Variants in HS3ST3A1 observed in about 807,000 individuals in gnomAD.
HS3ST3A1 encodes the protein heparan sulfate glucosamine 3-O-sulfotransferase 3A1.
HS3ST3A1 carries 19 observed loss-of-function variants against 25.7 expected under a neutral mutation model. That is an observed-to-expected ratio of 0.74 (90% confidence interval 0.52 to 1.08). The LOEUF (loss-of-function observed/expected upper bound fraction) is 1.08. Ranked by LOEUF, HS3ST3A1 falls within the 50% of genes least tolerant of loss-of-function variation. HS3ST3A1 has a pLI of 0.00. For missense variants in HS3ST3A1, 459 were observed against 594.3 expected (o/e 0.77, Z 2.37); for synonymous variants, 226 against 278.6 (o/e 0.81, Z 1.88).
intron 1 of HS3ST3A1, among the ~76,000 whole-genome samples, chr17:13,559,593 AT>A (rs1372291016): frequency 5.3e-5 from 8 of 149,624 alleles, no homozygotes; most frequent in African/African-American, 1.9e-4. Context: ...CTTGTATTAT[AT>A]GTTTAATTTA....
intron 1 of HS3ST3A1, among the ~76,000 whole-genome samples, chr17:13,554,474 C>T (rs1047931917): frequency 3.4e-4 from 51 of 150,948 alleles, no homozygotes; most frequent in Admixed American, 2.8e-3. Flanking sequence ...CAGTCATTAC[C>T]AGAGCTGACA....
chr17:13,516,523 G>T (rs74514604), intron 1 of HS3ST3A1, among the ~76,000 whole-genome samples: 9,162 of 152,160 alleles, frequency 0.06, 365 homozygotes, highest in South Asian at 0.091. Flanking sequence ...TAGCACCTGT[G>T]TATGAACTCT....
Position 13,601,474 on chromosome 17 carries a change from C to T in HS3ST3A1, c.-345G>A. On this transcript the variant is annotated 5_prime_UTR_variant, in exon 1 of 2. Coordinates refer to ENST00000284110, the MANE Select transcript of HS3ST3A1 (RefSeq NM_006042.3). ...GTCGCCGGAATCGGGGTCTTGGCAG[C>T]GGTGTCGAAGGCGTGCGTCTCAGCC... The T allele has an allele frequency of 4.2e-6, 1 of 238,016 alleles. No individual in the cohort carries two copies. Among genetic ancestry groups the T allele is most frequent in the East Asian group, 8.9e-5 (1 of 11,204 alleles). The allele number at this position is 238,016 out of a possible 1,614,324, so 14.7% of individuals were successfully genotyped here.
intron 1 of HS3ST3A1, among the ~76,000 whole-genome samples, chr17:13,500,081 T>A (rs1229235554): frequency 6.6e-6 from 1 of 152,094 alleles, no homozygotes; most frequent in African/African-American, 2.4e-5. Flanking sequence ...TTCAAACAAG[T>A]CAATGAAGGG....
chr17:13,588,467 C>A (rs1050426662), intron 1 of HS3ST3A1, among the ~76,000 whole-genome samples: 1 of 152,156 alleles, frequency 6.6e-6, no homozygotes, highest in African/African-American at 2.4e-5. Flanking sequence ...TCATTTTAGT[C>A]TTTTCAAACA....
chr17:13,548,468 T>G (rs1907147670), intron 1 of HS3ST3A1, among the ~76,000 whole-genome samples: 1 of 152,198 alleles, frequency 6.6e-6, no homozygotes, highest in Non-Finnish European at 1.5e-5. Flanking sequence ...TGTATGAATT[T>G]TGCAGGAACA....
chr17:13,596,110 CGTA>C (rs928017641), intron 1 of HS3ST3A1, among the ~76,000 whole-genome samples: 1 of 152,044 alleles, frequency 6.6e-6, no homozygotes, highest in Non-Finnish European at 1.5e-5. Flanking sequence ...GAGATTATAA[CGTA>C]GTGGTGGATT....
At chr17:13,551,037 A>T (rs1424366972) in intron 1 of HS3ST3A1, among the ~76,000 whole-genome samples, 1 of 146,098 alleles carries the variant, frequency 6.8e-6, no homozygotes, top group Non-Finnish European at 1.5e-5. Flanking sequence ...ACTGCACTCC[A>T]GCCTGGGCGA....
chr17:13,572,657 T>C (rs1907848935), intron 1 of HS3ST3A1, among the ~76,000 whole-genome samples: 1 of 152,244 alleles, frequency 6.6e-6, no homozygotes, highest in Admixed American at 6.5e-5. Flanking sequence ...GGCTGTGTTT[T>C]AATTTGTTAA....
intron 1 of HS3ST3A1, among the ~76,000 whole-genome samples, chr17:13,520,684 G>C (rs960320478): frequency 2.6e-5 from 4 of 151,018 alleles, no homozygotes; most frequent in African/African-American, 9.7e-5. Context: ...GCACAATCTC[G>C]ACTCACTGCA....
At chr17:13,557,116 C>G (rs1907403886) in intron 1 of HS3ST3A1, among the ~76,000 whole-genome samples, 1 of 152,210 alleles carries the variant, frequency 6.6e-6, no homozygotes, top group African/African-American at 2.4e-5. Context: ...AAGCAAACAT[C>G]TAGCCCAGCA....
rs1905268010 is a variant in HS3ST3A1 at position 13,496,378 on chromosome 17, T to C, written c.1040A>G (p.Lys347Arg). 1 of 1,442,548 alleles carries C rather than the reference T, an allele frequency of 6.9e-7. No homozygotes were observed. The highest frequency in any genetic ancestry group is 1.5e-5 in the African/African-American group (1 of 68,386). The allele number at this position is 1,442,548 out of a possible 1,614,324, so 89.4% of individuals were successfully genotyped here. Residue 347 changes from lysine to arginine, a missense_variant, in exon 2 of 2, where the codon AAG becomes AGG. By Grantham distance (26) the Lys-to-Arg change is conservative. Coordinates refer to ENST00000284110, the MANE Select transcript of HS3ST3A1 (RefSeq NM_006042.3). ...TDKHFYFNKT[K>R]GFPCLKKAEG... The stretch of plus-strand genomic sequence containing the variant: ...CGCCTTCTTCAGGCAGGGGAAGCCC[T>C]TGGTCTTGTTGAAGTAGAAGTGCTT...
intron 1 of HS3ST3A1, among the ~76,000 whole-genome samples, chr17:13,590,504 C>T (rs757116724): frequency 1.1e-3 from 168 of 152,144 alleles, no homozygotes; most frequent in Non-Finnish European, 1.7e-3. Context: ...TTCAGCTTAA[C>T]CTGGGCAAAG....
chr17:13,585,754 T>C (rs1908241086), intron 1 of HS3ST3A1, among the ~76,000 whole-genome samples: 1 of 150,238 alleles, frequency 6.7e-6, no homozygotes, highest in East Asian at 2.0e-4. Context: ...ACTCCTGGGC[T>C]CCAGCTTAAC....
chr17:13,588,346 T>C (rs557036597), intron 1 of HS3ST3A1, among the ~76,000 whole-genome samples: 8 of 152,134 alleles, frequency 5.3e-5, no homozygotes, highest in Admixed American at 1.3e-4. Flanking sequence ...ATAGTGAGTC[T>C]ATTCGTGGTA....
chr17:13,591,273 CTGACTTCAAG>C (rs931238218), intron 1 of HS3ST3A1, among the ~76,000 whole-genome samples: 3 of 152,028 alleles, frequency 2.0e-5, no homozygotes, highest in African/African-American at 7.2e-5. Flanking sequence ...TCTCGAATTC[CTGACTTCAAG>C]TGATCTGCCC....
intron 1 of HS3ST3A1, among the ~76,000 whole-genome samples, chr17:13,518,974 C>A (rs938604299): frequency 1.3e-5 from 2 of 152,128 alleles, no homozygotes; most frequent in Non-Finnish European, 2.9e-5. Context: ...TGTTATGAAG[C>A]ATTATTTTAG....
At chr17:13,571,962 A>G (rs7503357) in intron 1 of HS3ST3A1, among the ~76,000 whole-genome samples, 96,675 of 151,866 alleles carry the variant, frequency 0.64, 30,895 homozygotes, top group East Asian at 0.66. Flanking sequence ...GTTTCGCCAC[A>G]CTAGCCAGTT....
At chr17:13,565,081 G>T (rs1410029555) in intron 1 of HS3ST3A1, among the ~76,000 whole-genome samples, 7 of 151,814 alleles carry the variant, frequency 4.6e-5, no homozygotes, top group African/African-American at 1.7e-4. Context: ...ATGTCTGTTT[G>T]TTTTTTTCTT....
Sources: allele counts gnomAD v4.1 joint callset (sites outside exome capture counted in the v4.1 genomes callset), GRCh38; gene constraint gnomAD v4.1.1; transcripts MANE v1.5; gene names NCBI Gene and HGNC (gene_info 2026-07-23, HGNC 2026-07-21).